Variants in SLIT3 observed in about 807,000 individuals in gnomAD.
SLIT3 encodes slit homolog 3 protein.
SLIT3 carries 68 observed loss-of-function variants against 184.0 expected under a neutral mutation model. That is an observed-to-expected ratio of 0.37 (90% CI 0.30 to 0.45). The LOEUF is 0.45. SLIT3 is among the 20% of genes least tolerant of loss of function. The pLI, the probability that SLIT3 is intolerant of heterozygous loss-of-function variation, is 1.00. For synonymous variants in SLIT3, 831 were observed against 828.6 expected (o/e 1.00, Z -0.05); for missense variants, 1,707 against 2,026.0 (o/e 0.84, Z 3.02).
chr5:169,008,542 T>C (rs1042011782), intron 4 of SLIT3, among the ~76,000 whole-genome samples: 4 of 152,198 alleles, frequency 2.6e-5, no homozygotes, highest in Non-Finnish European at 5.9e-5. Flanking sequence ...GCTCCACCTT[T>C]CTATTGAGAA....
In SLIT3 at chr5:169,210,937, T is replaced by G. The variant is rs562325607; in HGVS notation, c.342-17387A>C. On this transcript the variant is annotated intron_variant, in intron 3 of 35. Transcript: ENST00000519560. ...GTTGGGTGTGGCCATGTAACTTGAT[T>G]TGGTTAACAGAAGGTTGGTGTGAGT... Among the ~76,000 whole-genome samples the G allele has an allele frequency of 2.0e-5, 3 of 151,980 alleles. No homozygotes were observed. The East Asian group carries it at 5.8e-4, about 29-fold the overall frequency.
chr5:168,719,841 A>C (rs1762880553), intron 23 of SLIT3: 1 of 152,180 alleles, frequency 6.6e-6, no homozygotes, highest in African/African-American at 2.4e-5. Flanking sequence ...GGTTGGACTG[A>C]GGTGCTCTAA....
intron 20 of SLIT3, among the ~76,000 whole-genome samples, chr5:168,746,792 G>T (rs2113452493): frequency 1.5e-5 from 1 of 67,618 alleles, no homozygotes; most frequent in East Asian, 5.5e-4. Flanking sequence ...TGAGTGTGGT[G>T]GTGTGGGTGT....
chr5:168,894,714 G>C (rs1356497733), intron 4 of SLIT3, among the ~76,000 whole-genome samples: 1 of 152,192 alleles, frequency 6.6e-6, no homozygotes, highest in Non-Finnish European at 1.5e-5. Context: ...GATTAAACCT[G>C]GCCTGAGAGG....
intron 3 of SLIT3, among the ~76,000 whole-genome samples, chr5:169,230,492 T>C (rs1245899203): frequency 2.6e-5 from 4 of 152,240 alleles, no homozygotes; most frequent in African/African-American, 9.6e-5. Flanking sequence ...GTAATCTAAT[T>C]ATTTGTTTCA....
intron 4 of SLIT3, among the ~76,000 whole-genome samples, chr5:169,137,489 C>T (rs991276962): frequency 1.3e-5 from 2 of 151,924 alleles, no homozygotes; most frequent in African/African-American, 4.8e-5. Flanking sequence ...TCTCATTAGC[C>T]CACCCTGGAT....
At position 168,859,067 on chromosome 5, in the gene SLIT3, T is replaced by C. The variant is rs1460772911; in HGVS notation, c.486-14412A>G. ...TCTGAACCCACCTGATCAGAAAGGT[T>C]GGATAATCAGCACTAACGTTTCCTT... On this transcript the variant is annotated intron_variant, in intron 5 of 35. Coordinates refer to ENST00000519560, the MANE Select transcript of SLIT3 (RefSeq NM_003062.4). Among the ~76,000 whole-genome samples the C allele has an allele frequency of 2.0e-5, 3 of 152,206 alleles. No individual in the cohort carries two copies. The East Asian group carries it at 5.8e-4, about 29-fold the overall frequency.
intron 3 of SLIT3, among the ~76,000 whole-genome samples, chr5:169,195,336 G>A (rs1763706943): frequency 6.6e-6 from 1 of 152,198 alleles, no homozygotes; most frequent in African/African-American, 2.4e-5. Flanking sequence ...TGATAGAGAA[G>A]CATTGAAGAC....
At chr5:169,235,289 T>TA (rs2113560570) in intron 3 of SLIT3, among the ~76,000 whole-genome samples, 1 of 152,320 alleles carries the variant, frequency 6.6e-6, no homozygotes, top group South Asian at 2.1e-4. Context: ...CATTTCTTTT[T>TA]AAAATCCATC....
At chr5:169,099,040 G>A (rs142836015) in intron 4 of SLIT3, among the ~76,000 whole-genome samples, 110 of 151,938 alleles carry the variant, frequency 7.2e-4, no homozygotes, top group African/African-American at 2.0e-3. Flanking sequence ...TACATCTACC[G>A]CCTCTGCTTG....
intron 1 of SLIT3, among the ~76,000 whole-genome samples, chr5:169,254,219 A>T (rs1765872009): frequency 6.6e-6 from 1 of 152,200 alleles, no homozygotes; most frequent in African/African-American, 2.4e-5. Flanking sequence ...GGGATTCAAC[A>T]CACGCGGTTA....
intron 4 of SLIT3, among the ~76,000 whole-genome samples, chr5:168,987,369 G>A (rs11739950): frequency 0.026 from 3,881 of 151,854 alleles, 48 homozygotes; most frequent in African/African-American, 0.035. Context: ...TTCTATTCAC[G>A]CTAATCTCTC....
intron 4 of SLIT3, among the ~76,000 whole-genome samples, chr5:169,150,516 TACACACACACAC>T (rs58010997): frequency 6.9e-6 from 1 of 145,364 alleles, no homozygotes; most frequent in Non-Finnish European, 1.5e-5. Flanking sequence ...TTCACTCACA[TACACACACACAC>T]ACACACACAC....
At chr5:168,876,912 G>A (rs1317885623) in intron 5 of SLIT3, among the ~76,000 whole-genome samples, 1 of 152,036 alleles carries the variant, frequency 6.6e-6, no homozygotes, top group African/African-American at 2.4e-5. Context: ...ATAGTATATG[G>A]TATATATAAT....
At chr5:168,764,303 C>T (rs184714633) in intron 14 of SLIT3, among the ~76,000 whole-genome samples, 3 of 152,300 alleles carry the variant, frequency 2.0e-5, no homozygotes, top group Admixed American at 2.0e-4. Context: ...CTTTCCATTT[C>T]AAATGAATGA....
intron 26 of SLIT3, among the ~76,000 whole-genome samples, chr5:168,704,122 G>C (rs1215248593): frequency 1.3e-5 from 2 of 151,738 alleles, no homozygotes; most frequent in African/African-American, 2.4e-5. Context: ...ACACTCTCAG[G>C]CCTGACCTCG....
chr5:169,294,187 C>A (rs540541251), intron 1 of SLIT3, among the ~76,000 whole-genome samples: 2 of 148,240 alleles, frequency 1.3e-5, no homozygotes, highest in East Asian at 4.0e-4. Context: ...TTCAAGTAAA[C>A]ACAGTAATAG....
chr5:169,272,189 T>A (rs1386134664), intron 1 of SLIT3, among the ~76,000 whole-genome samples: 1 of 152,230 alleles, frequency 6.6e-6, no homozygotes, highest in Non-Finnish European at 1.5e-5. Context: ...ATGTCACATT[T>A]GGAGGGCAGA....
chr5:168,916,306 C>CA (rs1761432353), intron 4 of SLIT3, among the ~76,000 whole-genome samples: 1 of 152,252 alleles, frequency 6.6e-6, no homozygotes, highest in South Asian at 2.1e-4. Flanking sequence ...GCAAGCACCA[C>CA]ACTCTTAATC....
Sources: gnomAD v4.1 joint callset for allele counts (sites outside exome capture counted in the v4.1 genomes callset) on GRCh38, gnomAD v4.1.1 for gene constraint, MANE v1.5 for transcripts, NCBI Gene and HGNC (gene_info 2026-07-23, HGNC 2026-07-21) for gene names.